Variants in TBC1D23 observed in about 807,000 individuals in gnomAD.
The protein encoded by TBC1D23 is HCV non-structural protein 4A-transactivated protein 1.
In TBC1D23, 55 loss-of-function variants were observed where a neutral mutation model predicts 91.4. The observed-to-expected ratio is 0.60, with a 90% CI of 0.48 to 0.75. TBC1D23 has a LOEUF of 0.75. Among genes scored for constraint, TBC1D23 ranks in the 30% least tolerant of loss-of-function variants. The pLI is 0.00. For synonymous variants in TBC1D23, 289 were observed against 281.0 expected, an observed-to-expected ratio of 1.03 and a Z score of -0.28; for missense variants, 725 against 836.1, an observed-to-expected ratio of 0.87 and a Z score of 1.64.
intron 1 of TBC1D23, among the ~76,000 whole-genome samples, chr3:100,262,619 G>A (rs536292240): frequency 1.5e-4 from 21 of 141,988 alleles, no homozygotes; most frequent in Non-Finnish European, 3.2e-4. Flanking sequence ...CAGCTGCTTG[G>A]GAGGCTGAGG....
intron 11 of TBC1D23, 110 bp from the exon 12 acceptor site, chr3:100,304,736 C>T (rs140205122): frequency 3.7e-5 from 24 of 654,504 alleles, no homozygotes; most frequent in African/African-American, 7.5e-5. Context: ...TGAGAAAGCC[C>T]GGTAATTTAA....
chr3:100,301,087 T>A (rs1705418763), intron 10 of TBC1D23, among the ~76,000 whole-genome samples: 1 of 152,170 alleles, frequency 6.6e-6, no homozygotes, highest in Non-Finnish European at 1.5e-5. Flanking sequence ...ATGCAAATAT[T>A]TCTGTAAAAT....
rs1559817720 is a variant in TBC1D23, at chr3:100,320,900, AC to A, written c.1948del (p.His650IlefsTer17). The A allele has an allele frequency of 3.1e-6, 5 of 1,613,170 alleles. No individual in the cohort carries two copies. The highest frequency in any genetic ancestry group is 1.1e-5 in the South Asian group (1 of 90,848). On this transcript the variant is annotated frameshift_variant, in exon 18 of 19. Transcript: ENST00000394144. LOFTEE classifies it high-confidence loss of function. ...TAGTTAAAATTACATCCAAAAAAAAACATCCTGAACTCATTACCTTCAAGTA... is the reference window on the plus strand; with the variant it reads ...TAGTTAAAATTACATCCAAAAAAAAAATCCTGAACTCATTACCTTCAAGTA... ...SVVKITSKKK[H>X]PELITFKYGN...
In TBC1D23 at chr3:100,275,551, C is replaced by T. The variant is rs373458835; in HGVS notation, c.54-4098C>T. 9.9e-5 allele frequency among the ~76,000 whole-genome samples: 15 copies of T among 151,816 alleles called. No homozygotes were observed. The East Asian group carries it at 1.2e-3, about 12-fold the overall frequency. On this transcript the variant is annotated intron_variant, in intron 1 of 18. Coordinates refer to ENST00000394144, the MANE Select transcript of TBC1D23 (RefSeq NM_001199198.3). The stretch of plus-strand genomic sequence containing the variant: ...CATCCAACCAGAAGTGCTGGGATTA[C>T]AGGTATAAGCTACTGCCCCTGGCCT...
At chr3:100,286,973 C>A (rs991638673) in intron 4 of TBC1D23, among the ~76,000 whole-genome samples, 1 of 151,882 alleles carries the variant, frequency 6.6e-6, no homozygotes, top group African/African-American at 2.4e-5. Flanking sequence ...TGCCACCACA[C>A]CCGGCGAATT....
chr3:100,313,746 A>G (rs1705673238), intron 15 of TBC1D23, among the ~76,000 whole-genome samples: 1 of 152,156 alleles, frequency 6.6e-6, no homozygotes, highest in Non-Finnish European at 1.5e-5. Context: ...ATCTATATAA[A>G]ATTTTACAAT....
chr3:100,308,998 A>G (rs929629142), intron 13 of TBC1D23, among the ~76,000 whole-genome samples: 1 of 152,180 alleles, frequency 6.6e-6, no homozygotes, highest in African/African-American at 2.4e-5. Context: ...AGGCAGATGA[A>G]TCACCTGAGG....
Position 100,299,311 on chromosome 3 carries a change from T to C in TBC1D23, c.1072T>C (p.Phe358Leu). The change falls in exon 10 of 19, where the codon TTC (phenylalanine) becomes CTC (leucine). Residue 358 changes from phenylalanine to leucine, a missense_variant. Transcript: ENST00000394144. ...TAATGCTGGGCATTTATCAACTGCTTTCCACTTAGATTCAGACCTGGTTAG... is the reference window on the plus strand; with the variant it reads ...TAATGCTGGGCATTTATCAACTGCTCTCCACTTAGATTCAGACCTGGTTAG... ...QYNAGHLSTAFHLDSDLMLQN... is the reference protein window; with the variant it reads ...QYNAGHLSTALHLDSDLMLQN... The C allele has an allele frequency of 2.5e-6, 4 of 1,610,226 alleles. No individual in the cohort carries two copies. The highest frequency in any genetic ancestry group is 3.4e-6 in the Non-Finnish European group (4 of 1,176,800).
At chr3:100,268,444 T>C (rs1335055411) in intron 1 of TBC1D23, among the ~76,000 whole-genome samples, 1 of 152,228 alleles carries the variant, frequency 6.6e-6, no homozygotes, top group Admixed American at 6.5e-5. Context: ...ATGATCCCCA[T>C]TGGCATAGTA....
At chr3:100,302,334 C>G in intron 11 of TBC1D23, 97 bp downstream of exon 11, 1 of 1,039,346 alleles carries the variant, frequency 9.6e-7, no homozygotes, top group Non-Finnish European at 1.3e-6. Context: ...TTTATCTGTA[C>G]TTTTCTTGGT....
intron 16 of TBC1D23, among the ~76,000 whole-genome samples, chr3:100,318,390 T>C (rs746599427): frequency 1.2e-4 from 18 of 152,140 alleles, no homozygotes; most frequent in Middle Eastern, 3.2e-3. Context: ...TAAAACGAAA[T>C]CTGCCATCTT....
chr3:100,321,725 G>T (rs1433014663), intron 18 of TBC1D23, among the ~76,000 whole-genome samples: 3 of 151,914 alleles, frequency 2.0e-5, no homozygotes, highest in African/African-American at 7.3e-5. Context: ...AGTTGGAAGA[G>T]GAAATTATTC....
At chr3:100,314,504 T>C (rs1705696965) in intron 15 of TBC1D23, among the ~76,000 whole-genome samples, 1 of 152,150 alleles carries the variant, frequency 6.6e-6, no homozygotes, top group Admixed American at 6.5e-5. Context: ...GTGTGGTGGT[T>C]CACACCTGTA....
intron 15 of TBC1D23, chr3:100,315,821 G>A (rs1705733921): frequency 4.7e-6 from 2 of 424,576 alleles, no homozygotes; most frequent in South Asian, 6.0e-5. Context: ...CTAAGCATTG[G>A]TTTTAATATG....
At chr3:100,304,946 T>A in intron 12 of TBC1D23, 58 bp downstream of exon 12, 4 of 936,858 alleles carry the variant, frequency 4.3e-6, no homozygotes, top group Non-Finnish European at 7.0e-6. Flanking sequence ...TTGTATTGAT[T>A]ATCAATAGAG....
intron 1 of TBC1D23, among the ~76,000 whole-genome samples, chr3:100,268,590 T>C (rs2067575858): frequency 6.6e-6 from 1 of 152,236 alleles, no homozygotes; most frequent in South Asian, 2.1e-4. Context: ...CATTACACTT[T>C]GGATAAAGTG....
Position 100,311,843 on chromosome 3 carries a change from A to T in TBC1D23, c.1564A>T (p.Asn522Tyr). Residue 522 changes from asparagine (N) to tyrosine (Y), a missense_variant, in exon 15 of 19, where the codon AAT (asparagine) becomes TAT (tyrosine). By Grantham distance (143) the Asn-to-Tyr change is moderately radical. Coordinates refer to ENST00000394144, the MANE Select transcript of TBC1D23 (RefSeq NM_001199198.3). ...CTTGATTTGCTATAGAATGTCTTTC[A>T]ATCTTCCTTGGCCAGACAGATCATG... The part of the protein sequence containing the change: ...TSTPVDRMSF[N>Y]LPWPDRSCTE... 6.5e-7 allele frequency: 1 copy of T among 1,535,230 alleles called. No individual in the cohort carries two copies.
intron 4 of TBC1D23, among the ~76,000 whole-genome samples, chr3:100,286,987 G>A (rs1462400624): frequency 2.6e-5 from 4 of 151,524 alleles, no homozygotes; most frequent in Non-Finnish European, 5.9e-5. Flanking sequence ...GCGAATTTTT[G>A]TATTTTTAGT....
In TBC1D23 at chr3:100,261,087, G is replaced by A; in HGVS notation, c.53+16G>A. On this transcript the variant is annotated intron_variant, in intron 1 of 18. Transcript: ENST00000394144. Reference sequence around the variant, plus strand: ...GCGACGGCTGGTGAGTGAAAGCCGGGGCTAATTTCCAATGCCCCTTTATTC... The same window carrying A: ...GCGACGGCTGGTGAGTGAAAGCCGGAGCTAATTTCCAATGCCCCTTTATTC... The A allele has an allele frequency of 6.2e-7, 1 of 1,611,616 alleles. No homozygotes were observed. Among genetic ancestry groups the A allele is most frequent in the Non-Finnish European group, 8.5e-7 (1 of 1,177,834 alleles).
Sources: gnomAD v4.1 joint callset for allele counts (sites outside exome capture counted in the v4.1 genomes callset) on GRCh38, gnomAD v4.1.1 for gene constraint, MANE v1.5 for transcripts, NCBI Gene and HGNC (gene_info 2026-07-23, HGNC 2026-07-21) for gene names.